RNLS: variants seen among roughly 807,000 people sequenced by gnomAD.
RNLS encodes renalase.
A neutral mutation model predicts 39.8 loss-of-function variants in RNLS; 39 were observed. That is an observed-to-expected ratio of 0.98 (90% CI 0.76 to 1.28). The LOEUF is 1.28. RNLS is among the 50% of genes most tolerant of loss of function. RNLS has a pLI of 0.00. For missense variants in RNLS, 410 were observed against 413.3 expected (o/e 0.99, Z 0.07); for synonymous variants, 147 against 150.7 (o/e 0.98, Z 0.18).
chr10:88,172,613 C>T, the RNLS span, among the ~76,000 whole-genome samples: 1 of 152,068 alleles, frequency 6.6e-6, no homozygotes, highest in Non-Finnish European at 1.5e-5. Flanking sequence ...TATTTTCTCT[C>T]ATTCTACGGG....
At chr10:88,268,674 C>A in the RNLS span, among the ~76,000 whole-genome samples, 1 of 152,224 alleles carries the variant, frequency 6.6e-6, no homozygotes, top group Non-Finnish European at 1.5e-5. Flanking sequence ...CTCTCCCATC[C>A]TCTGTGTTAA....
chr10:88,311,437 T>C (rs1335509541), intron 6 of RNLS, among the ~76,000 whole-genome samples: 3 of 152,160 alleles, frequency 2.0e-5, no homozygotes, highest in African/African-American at 4.8e-5. Context: ...GGAAGGCAAA[T>C]AGCTGCAAAA....
At chr10:88,328,026 G>T (rs1193231105) in intron 5 of RNLS, among the ~76,000 whole-genome samples, 2 of 152,030 alleles carry the variant, frequency 1.3e-5, no homozygotes, top group Non-Finnish European at 2.9e-5. Context: ...CTTGTGCCTC[G>T]CATCCTGAGT....
chr10:88,577,687 GAT>G (rs1370157044), intron 3 of RNLS, among the ~76,000 whole-genome samples: 1 of 152,174 alleles, frequency 6.6e-6, no homozygotes, highest in Non-Finnish European at 1.5e-5. Context: ...CACTCAAGAA[GAT>G]TGTATTAATG....
At chr10:88,476,373 T>A (rs1416460377) in intron 4 of RNLS, among the ~76,000 whole-genome samples, 1 of 152,178 alleles carries the variant, frequency 6.6e-6, no homozygotes, top group East Asian at 1.9e-4. Flanking sequence ...TTTCAATATC[T>A]AATCCATTGT....
intron 4 of RNLS, among the ~76,000 whole-genome samples, chr10:88,529,124 T>C (rs188667622): frequency 6.6e-6 from 1 of 152,280 alleles, no homozygotes; most frequent in East Asian, 1.9e-4. Context: ...TAGGATAATT[T>C]TCTCTAAAAA....
At chr10:88,461,990 TCA>T (rs1433009488) in intron 4 of RNLS, among the ~76,000 whole-genome samples, 1 of 152,086 alleles carries the variant, frequency 6.6e-6, no homozygotes, top group African/African-American at 2.4e-5. Context: ...TTAAAATCTT[TCA>T]CAGTTTCAAG....
At chr10:88,376,968 CACTTA>C (rs199800708) in intron 4 of RNLS, among the ~76,000 whole-genome samples, 2,171 of 152,094 alleles carry the variant, frequency 0.014, 54 homozygotes, top group African/African-American at 0.049. Flanking sequence ...AAAAGAGTAA[CACTTA>C]ACTTCATAAG....
chr10:88,393,565 A>G (rs1852353140), intron 4 of RNLS, among the ~76,000 whole-genome samples: 2 of 152,356 alleles, frequency 1.3e-5, no homozygotes, highest in Non-Finnish European at 2.9e-5. Flanking sequence ...ATGGAAGAAC[A>G]TTCCATGCTC....
intron 5 of RNLS, among the ~76,000 whole-genome samples, chr10:88,349,691 A>C (rs564517043): frequency 1.3e-5 from 2 of 151,922 alleles, no homozygotes; most frequent in Non-Finnish European, 2.9e-5. Context: ...AACAAAAAAT[A>C]TTTATTTTTA....
intron 4 of RNLS, among the ~76,000 whole-genome samples, chr10:88,539,794 A>C (rs1273134070): frequency 2.6e-5 from 4 of 152,156 alleles, no homozygotes; most frequent in African/African-American, 9.7e-5. Context: ...ACATTTATAC[A>C]AGTCAATCTG....
chr10:88,570,059 G>T (rs1259183204), intron 4 of RNLS, among the ~76,000 whole-genome samples: 1 of 151,974 alleles, frequency 6.6e-6, no homozygotes, highest in Non-Finnish European at 1.5e-5. Flanking sequence ...TGCTTCCCCT[G>T]AACAGAAACA....
At chr10:88,264,412 G>T in the RNLS span, among the ~76,000 whole-genome samples, 2 of 152,156 alleles carry the variant, frequency 1.3e-5, no homozygotes, top group African/African-American at 4.8e-5. Flanking sequence ...TTTCATAGCG[G>T]TTGTACTAGT....
chr10:88,180,854 T>C, the RNLS span, among the ~76,000 whole-genome samples: 1 of 152,218 alleles, frequency 6.6e-6, no homozygotes, highest in East Asian at 1.9e-4. Context: ...ACCTGTTTTT[T>C]AATTTTAATG....
At chr10:88,482,909 TTTCCTTCCCTTCC>T (rs1246899847) in intron 4 of RNLS, among the ~76,000 whole-genome samples, 1 of 151,944 alleles carries the variant, frequency 6.6e-6, no homozygotes, top group African/African-American at 2.4e-5. Context: ...CCTGCTCAGT[TTTCCTTCCCTTCC>T]TTCCTTCCCT....
chr10:88,421,188 C>G (rs1854389172), intron 4 of RNLS, among the ~76,000 whole-genome samples: 1 of 152,144 alleles, frequency 6.6e-6, no homozygotes, highest in South Asian at 2.1e-4. Flanking sequence ...CCTCCCTTTT[C>G]TTCATTACTT....
At chr10:88,372,978 A>G (rs1850684609) in intron 4 of RNLS, among the ~76,000 whole-genome samples, 1 of 152,136 alleles carries the variant, frequency 6.6e-6, no homozygotes, top group East Asian at 1.9e-4. Flanking sequence ...CATGAAAATA[A>G]AACATTGTGT....
intron 5 of RNLS, among the ~76,000 whole-genome samples, chr10:88,352,327 G>A (rs1848777502): frequency 6.6e-6 from 1 of 152,184 alleles, no homozygotes; most frequent in Non-Finnish European, 1.5e-5. Context: ...GATGATATTG[G>A]TTGTGGGTTT....
chr10:88,408,497 C>T (rs1050313310), intron 4 of RNLS, among the ~76,000 whole-genome samples: 1 of 152,010 alleles, frequency 6.6e-6, no homozygotes, highest in Non-Finnish European at 1.5e-5. Context: ...CACATGAGGA[C>T]ACCCCAAGAG....
Sources: allele counts gnomAD v4.1 joint callset (sites outside exome capture counted in the v4.1 genomes callset), GRCh38; gene constraint gnomAD v4.1.1; transcripts MANE v1.5; gene names NCBI Gene and HGNC (gene_info 2026-07-23, HGNC 2026-07-21).